Variants in NEK7 observed in about 807,000 individuals in gnomAD.
The protein encoded by NEK7 is NIMA related kinase 7.
Under a neutral mutation model 44.6 loss-of-function variants are expected in NEK7, and 18 were observed. The observed-to-expected ratio is 0.40, with a 90% CI of 0.28 to 0.60. NEK7 has a LOEUF of 0.60. Among genes scored for constraint, NEK7 ranks in the 20% least tolerant of loss-of-function variants. The pLI is 0.38. For synonymous variants in NEK7, 130 were observed against 121.1 expected, an observed-to-expected ratio of 1.07 and a Z score of -0.48; for missense variants, 256 against 366.5, an observed-to-expected ratio of 0.70 and a Z score of 2.46.
chr1:198,292,906 T>G lies in NEK7; in HGVS notation c.590-39T>G, dbSNP rs182583633. 58 of 1,091,108 alleles carry G rather than the reference T, an allele frequency of 5.3e-5. No homozygotes were observed. The East Asian group carries it at 1.3e-3, about 24-fold the overall frequency. The allele number at this position is 1,091,108 out of a possible 1,614,324, so 67.6% of individuals were successfully genotyped here. ...TCTGACCACAGCTGTATCTTTATTT[T>G]TATATACCTCTTACTTTATTTGGTT... is the stretch of plus-strand genomic sequence containing the variant. On this transcript the variant is annotated intron_variant, in intron 7 of 9. Transcript: ENST00000367385.
At chr1:198,170,803 T>C (rs1322596886) in intron 1 of NEK7, among the ~76,000 whole-genome samples, 1 of 152,202 alleles carries the variant, frequency 6.6e-6, no homozygotes, top group Non-Finnish European at 1.5e-5. Context: ...TTGATGATAA[T>C]AGCAATAAAA....
At chr1:198,216,165 T>G (rs963331352) in intron 1 of NEK7, among the ~76,000 whole-genome samples, 5 of 152,088 alleles carry the variant, frequency 3.3e-5, no homozygotes, top group Admixed American at 2.6e-4. Flanking sequence ...TTCTCCAAGA[T>G]AGACCATATG....
chr1:198,162,579 T>G (rs1383987476), intron 1 of NEK7, among the ~76,000 whole-genome samples: 2 of 152,092 alleles, frequency 1.3e-5, no homozygotes, highest in Non-Finnish European at 2.9e-5. Flanking sequence ...TTCACTTACT[T>G]CTCTATTCTT....
At chr1:198,182,258 T>G (rs1664789600) in intron 1 of NEK7, among the ~76,000 whole-genome samples, 1 of 152,190 alleles carries the variant, frequency 6.6e-6, no homozygotes, top group Non-Finnish European at 1.5e-5. Flanking sequence ...GCACATACAT[T>G]AATAATGTTT....
intron 8 of NEK7, among the ~76,000 whole-genome samples, chr1:198,296,543 T>C (rs1300716174): frequency 6.6e-6 from 1 of 152,254 alleles, no homozygotes; most frequent in African/African-American, 2.4e-5. Flanking sequence ...ACATATTTAA[T>C]TTAATGTTTT....
At chr1:198,255,745 G>A (rs1241595698) in intron 3 of NEK7, among the ~76,000 whole-genome samples, 2 of 152,118 alleles carry the variant, frequency 1.3e-5, no homozygotes, top group Non-Finnish European at 2.9e-5. Flanking sequence ...TGGATATTGT[G>A]ACATCTAGTT....
chr1:198,293,111 A>G (rs1654610268), intron 8 of NEK7, 72 bp downstream of exon 8: 3 of 756,732 alleles, frequency 4.0e-6, no homozygotes, highest in Non-Finnish European at 6.5e-6. Context: ...CTTATAGTAT[A>G]TACTTACTTT....
At chr1:198,242,828 A>ATT (rs1213860437) in intron 2 of NEK7, among the ~76,000 whole-genome samples, 5 of 141,478 alleles carry the variant, frequency 3.5e-5, no homozygotes, top group African/African-American at 7.8e-5. Context: ...TTTGTATTTA[A>ATT]TTTTTTTTTT....
At chr1:198,297,100 A>G (rs1478740050) in intron 8 of NEK7, 27 bp from the exon 9 acceptor site, 4 of 1,400,694 alleles carry the variant, frequency 2.9e-6, no homozygotes, top group African/African-American at 1.4e-5. Flanking sequence ...ATCTAACTAT[A>G]TCAGTTTCAT....
rs556359244 is a variant in NEK7 at position 198,277,814 on chromosome 1, A to C, written c.373-147A>C. 193 of 570,918 alleles carry C rather than the reference A, an allele frequency of 3.4e-4. 1 individual carries two copies. The highest frequency in any genetic ancestry group is 2.8e-3 in the African/African-American group (146 of 52,912). 35.4% of individuals were successfully genotyped at this position (570,918 alleles called of 1,614,324 possible). A position where few individuals can be genotyped will look rare whatever the true frequency, so the allele number is the denominator to read the frequency against. On this transcript the variant is annotated intron_variant, in intron 5 of 9. Coordinates refer to ENST00000367385, the MANE Select transcript of NEK7 (RefSeq NM_133494.3). Reference sequence around the variant, plus strand: ...CCATTATGTCAGATAAAATTATTGGAATAATTTCAGTATAAAGATCATATG... The same window carrying C: ...CCATTATGTCAGATAAAATTATTGGCATAATTTCAGTATAAAGATCATATG...
intron 7 of NEK7, among the ~76,000 whole-genome samples, chr1:198,285,999 A>T (rs1654355426): frequency 6.6e-6 from 1 of 152,136 alleles, no homozygotes; most frequent in Non-Finnish European, 1.5e-5. Context: ...ATCCAGAAAG[A>T]TTCATGAGGT....
At chr1:198,274,357 A>G (rs1653950200) in intron 5 of NEK7, among the ~76,000 whole-genome samples, 1 of 151,574 alleles carries the variant, frequency 6.6e-6, no homozygotes. Flanking sequence ...TCCCTTTGTT[A>G]AAAATTAAAA....
At chr1:198,225,012 A>T (rs1238604449) in intron 1 of NEK7, among the ~76,000 whole-genome samples, 1 of 152,084 alleles carries the variant, frequency 6.6e-6, no homozygotes, top group Non-Finnish European at 1.5e-5. Context: ...CAGTGAAGAT[A>T]CAAATTTCAG....
chr1:198,295,568 C>CA, intron 8 of NEK7, among the ~76,000 whole-genome samples: 1 of 150,214 alleles, frequency 6.7e-6, no homozygotes, highest in African/African-American at 2.4e-5. Context: ...TCTGTCAAAG[C>CA]AGGAGATGCA....
chr1:198,203,113 GTC>G (rs1297864870), intron 1 of NEK7, among the ~76,000 whole-genome samples: 4 of 152,064 alleles, frequency 2.6e-5, no homozygotes, highest in African/African-American at 9.7e-5. Context: ...AATTTCTAAA[GTC>G]TGTTAATCTT....
At chr1:198,275,498 ATT>A (rs71674737) in intron 5 of NEK7, among the ~76,000 whole-genome samples, 1 of 144,802 alleles carries the variant, frequency 6.9e-6, no homozygotes, top group African/African-American at 2.5e-5. Context: ...TTGGCATTAG[ATT>A]TTTTTTTTTT....
chr1:198,193,776 A>T (rs1665146461), intron 1 of NEK7, among the ~76,000 whole-genome samples: 1 of 152,208 alleles, frequency 6.6e-6, no homozygotes, highest in African/African-American at 2.4e-5. Flanking sequence ...TCAATCAACT[A>T]GGTATTGAAG....
At chr1:198,241,604 C>T (rs1347112649) in intron 2 of NEK7, among the ~76,000 whole-genome samples, 6 of 152,094 alleles carry the variant, frequency 3.9e-5, no homozygotes, top group East Asian at 3.9e-4. Context: ...GAATATATAG[C>T]GGACCTGGAA....
chr1:198,166,560 T>C (rs1571495307), intron 1 of NEK7, among the ~76,000 whole-genome samples: 1 of 152,298 alleles, frequency 6.6e-6, no homozygotes, highest in East Asian at 1.9e-4. Flanking sequence ...GGGTTATTAA[T>C]TGGCTTAATT....
Sources: allele counts gnomAD v4.1 joint callset (sites outside exome capture counted in the v4.1 genomes callset), GRCh38; gene constraint gnomAD v4.1.1; transcripts MANE v1.5; gene names NCBI Gene and HGNC (gene_info 2026-07-23, HGNC 2026-07-21).